The following HS3ST2 variants were observed in gnomAD, a reference collection of about 807,000 sequenced individuals.
HS3ST2 encodes the protein heparan sulfate-glucosamine 3-sulfotransferase 2.
In HS3ST2, 17 loss-of-function variants were observed where a neutral mutation model predicts 26.3. The observed-to-expected ratio is 0.65, with a 90% CI of 0.44 to 0.97. HS3ST2 has a LOEUF of 0.97. Among genes scored for constraint, HS3ST2 ranks in the 50% least tolerant of loss-of-function variants. HS3ST2 has a pLI of 0.00. For missense variants in HS3ST2, 402 were observed against 501.2 expected (o/e 0.80, Z 1.89); for synonymous variants, 237 against 219.2 (o/e 1.08, Z -0.72).
chr16:22,850,586 C>A (rs573811289), intron 1 of HS3ST2, among the ~76,000 whole-genome samples: 2 of 151,824 alleles, frequency 1.3e-5, no homozygotes, highest in Admixed American at 6.6e-5. Context: ...CAGGAGTTCG[C>A]GATCAGCCTG....
chr16:22,827,228 G>A (rs951389158), intron 1 of HS3ST2, among the ~76,000 whole-genome samples: 1 of 152,210 alleles, frequency 6.6e-6, no homozygotes, highest in African/African-American at 2.4e-5. Flanking sequence ...AGTATGTCCA[G>A]GGTGGAGTGC....
intron 1 of HS3ST2, among the ~76,000 whole-genome samples, chr16:22,864,288 T>C (rs1901718174): frequency 6.6e-6 from 1 of 152,106 alleles, no homozygotes; most frequent in African/African-American, 2.4e-5. Flanking sequence ...TAGAAACATA[T>C]TCAAATTAGA....
At chr16:22,893,814 G>C (rs1902167033) in intron 1 of HS3ST2, among the ~76,000 whole-genome samples, 1 of 151,576 alleles carries the variant, frequency 6.6e-6, no homozygotes, top group African/African-American at 2.4e-5. Context: ...TTTTGAAGCA[G>C]CGTCCCACTG....
intron 1 of HS3ST2, among the ~76,000 whole-genome samples, chr16:22,832,601 A>C (rs2141178865): frequency 6.6e-6 from 1 of 152,080 alleles, no homozygotes; most frequent in East Asian, 1.9e-4. Context: ...GCCAGCATAG[A>C]TGTCCAACCA....
intron 1 of HS3ST2, among the ~76,000 whole-genome samples, chr16:22,879,584 C>T (rs1901961502): frequency 6.6e-6 from 1 of 152,126 alleles, no homozygotes; most frequent in African/African-American, 2.4e-5. Context: ...TGAGCTGGCC[C>T]CACTTTACAT....
At chr16:22,855,702 C>CTCTCTCTCTG (rs1555512848) in intron 1 of HS3ST2, among the ~76,000 whole-genome samples, 2 of 149,646 alleles carry the variant, frequency 1.3e-5, no homozygotes, top group African/African-American at 4.9e-5. Context: ...CTCTGTCTCT[C>CTCTCTCTCTG]TCTCTCTCTC....
chr16:22,886,155 C>A (rs1902055349), intron 1 of HS3ST2, among the ~76,000 whole-genome samples: 1 of 152,186 alleles, frequency 6.6e-6, no homozygotes, highest in South Asian at 2.1e-4. Flanking sequence ...CTCAAGTTAG[C>A]TGCACAATTA....
chr16:22,837,215 C>T (rs761334896), intron 1 of HS3ST2, among the ~76,000 whole-genome samples: 3 of 151,234 alleles, frequency 2.0e-5, no homozygotes, highest in Non-Finnish European at 2.9e-5. Flanking sequence ...AACCTATGTC[C>T]TCCTGGGCAA....
chr16:22,855,696 G>GTCTCTCTGTCTC (rs1555512843), intron 1 of HS3ST2, among the ~76,000 whole-genome samples: 3 of 142,940 alleles, frequency 2.1e-5, no homozygotes, highest in East Asian at 2.1e-4. Flanking sequence ...CTGTCTCTCT[G>GTCTCTCTGTCTC]TCTCTCTCTC....
intron 1 of HS3ST2, among the ~76,000 whole-genome samples, chr16:22,905,974 C>T (rs1326713539): frequency 6.6e-6 from 1 of 152,108 alleles, no homozygotes; most frequent in Non-Finnish European, 1.5e-5. Flanking sequence ...CCAGTTAATT[C>T]TCATGAGCAA....
At chr16:22,849,716 G>A (rs1211721003) in intron 1 of HS3ST2, among the ~76,000 whole-genome samples, 1 of 152,132 alleles carries the variant, frequency 6.6e-6, no homozygotes, top group Non-Finnish European at 1.5e-5. Context: ...GCAGCTTCAG[G>A]CAAGGCTTGA....
chr16:22,852,224 T>C lies in HS3ST2; in HGVS notation c.485+37129T>C, dbSNP rs546199448. Reference sequence around the variant, plus strand: ...AGACTTATCTGGCCCCAAATGTCAATAGTGCTGAGGTTCAGAAACCCTGGT... The same window carrying C: ...AGACTTATCTGGCCCCAAATGTCAACAGTGCTGAGGTTCAGAAACCCTGGT... On this transcript the variant is annotated intron_variant, in intron 1 of 1. Transcript: ENST00000261374. 2.6e-5 allele frequency among the ~76,000 whole-genome samples: 4 copies of C among 152,274 alleles called. No individual in the cohort carries two copies. The East Asian group carries it at 7.7e-4, about 29-fold the overall frequency.
intron 1 of HS3ST2, among the ~76,000 whole-genome samples, chr16:22,879,404 G>A (rs757507670): frequency 6.6e-6 from 1 of 152,204 alleles, no homozygotes; most frequent in Non-Finnish European, 1.5e-5. Flanking sequence ...CCAGGGGAAG[G>A]TAACTGAGCT....
At chr16:22,829,581 G>C (rs1901139544) in intron 1 of HS3ST2, among the ~76,000 whole-genome samples, 1 of 151,974 alleles carries the variant, frequency 6.6e-6, no homozygotes, top group Non-Finnish European at 1.5e-5. Context: ...GAACACTTGT[G>C]GGTCAAACAG....
Position 22,914,952 on chromosome 16 carries a change from TGCCCAGGACCCTCGAGA to T in HS3ST2, c.498_514del (p.Arg167AspfsTer42). ...TCCTTCTGCCCACACAGGAGCCTGA[TGCCCAGGACCCTCGAGA>T]GCCAGATCACGCTGGAGAAGACGCC... On this transcript the variant is annotated frameshift_variant, in exon 2 of 2. Coordinates refer to ENST00000261374, the MANE Select transcript of HS3ST2 (RefSeq NM_006043.2). LOFTEE classifies it high-confidence loss of function. 1 of 1,611,002 alleles carries T rather than the reference TGCCCAGGACCCTCGAGA, an allele frequency of 6.2e-7. No homozygotes were observed. Among genetic ancestry groups the T allele is most frequent in the Non-Finnish European group, 8.5e-7 (1 of 1,179,278 alleles).
chr16:22,870,232 T>G (rs1294701932), intron 1 of HS3ST2, among the ~76,000 whole-genome samples: 1 of 152,068 alleles, frequency 6.6e-6, no homozygotes, highest in East Asian at 1.9e-4. Flanking sequence ...TTCATGGTGT[T>G]CTGGACCCCC....
intron 1 of HS3ST2, among the ~76,000 whole-genome samples, chr16:22,855,676 G>GCCTGTCTC (rs1901581645): frequency 8.1e-6 from 1 of 123,474 alleles, no homozygotes; most frequent in African/African-American, 3.3e-5. Flanking sequence ...CTTTCTCTCT[G>GCCTGTCTC]TCTGTCTCTC....
At chr16:22,815,741 A>T (rs986577089) in intron 1 of HS3ST2, among the ~76,000 whole-genome samples, 1 of 152,164 alleles carries the variant, frequency 6.6e-6, no homozygotes, top group African/African-American at 2.4e-5. Context: ...TGGGTCTGTC[A>T]CTTAAGCTTG....
At position 22,915,575 on chromosome 16, in the gene HS3ST2, AAAGGGCTCTC is replaced by A. The variant is rs759300780; in HGVS notation, c.*23_*32del. The A allele has an allele frequency of 2.5e-6, 4 of 1,605,882 alleles. No homozygotes were observed. Among genetic ancestry groups the A allele is most frequent in the Non-Finnish European group, 3.4e-6 (4 of 1,175,886 alleles). The stretch of plus-strand genomic sequence containing the variant: ...CAGGTGGGAATAAGCCCACGAAAGG[AAAGGGCTCTC>A]AAGGGCTCTTCTGCTCATCTCTTCC... On this transcript the variant is annotated 3_prime_UTR_variant, in exon 2 of 2. Coordinates refer to ENST00000261374, the MANE Select transcript of HS3ST2 (RefSeq NM_006043.2).
Sources: allele counts gnomAD v4.1 joint callset (sites outside exome capture counted in the v4.1 genomes callset), GRCh38; gene constraint gnomAD v4.1.1; transcripts MANE v1.5; gene names NCBI Gene and HGNC (gene_info 2026-07-23, HGNC 2026-07-21).